Variants in SERGEF observed in about 807,000 individuals in gnomAD.
SERGEF encodes secretion-regulating guanine nucleotide exchange factor.
Under a neutral mutation model 50.0 loss-of-function variants are expected in SERGEF, and 51 were observed. That is an observed-to-expected ratio of 1.02 (90% CI 0.81 to 1.29). SERGEF has a LOEUF of 1.29. Among genes scored for constraint, SERGEF ranks in the 50% most tolerant of loss-of-function variants. The pLI is 0.00. For synonymous variants in SERGEF, 205 were observed against 212.4 expected, an observed-to-expected ratio of 0.97 and a Z score of 0.30; for missense variants, 521 against 557.0, an observed-to-expected ratio of 0.94 and a Z score of 0.65.
intron 9 of SERGEF, among the ~76,000 whole-genome samples, chr11:17,900,403 G>A (rs769839045): frequency 5.9e-5 from 9 of 152,068 alleles, no homozygotes; most frequent in Non-Finnish European, 8.8e-5. Flanking sequence ...CATCAATCTC[G>A]GCATTGCTAT....
intron 9 of SERGEF, among the ~76,000 whole-genome samples, chr11:17,945,471 C>T (rs56113802): frequency 0.023 from 3,557 of 152,288 alleles, 58 homozygotes; most frequent in Non-Finnish European, 0.035. Flanking sequence ...TTCAGTCAGT[C>T]GGTTACTTTA....
intron 9 of SERGEF, among the ~76,000 whole-genome samples, chr11:17,940,522 T>C (rs1852542049): frequency 6.6e-6 from 1 of 152,142 alleles, no homozygotes; most frequent in African/African-American, 2.4e-5. Flanking sequence ...AAGCCCTCAA[T>C]GTCAGTTTCC....
intron 7 of SERGEF, 63 bp downstream of exon 7, chr11:17,992,868 C>A (rs1011740941): frequency 6.6e-6 from 9 of 1,357,802 alleles, no homozygotes; most frequent in Non-Finnish European, 9.5e-6. Flanking sequence ...AATATCACCA[C>A]TTCAGGCAGT....
chr11:17,820,293 G>A (rs570539010), intron 10 of SERGEF, among the ~76,000 whole-genome samples: 117 of 151,164 alleles, frequency 7.7e-4, no homozygotes, highest in Admixed American at 9.2e-4. Context: ...GCCTGCTCTC[G>A]ATCCTCTAAC....
chr11:17,882,154 G>C (rs1434596439), intron 9 of SERGEF, among the ~76,000 whole-genome samples: 1 of 152,170 alleles, frequency 6.6e-6, no homozygotes, highest in East Asian at 1.9e-4. Flanking sequence ...GGTGGCTCAC[G>C]TGTGTAATCC....
At chr11:17,800,448 T>C (rs74829358) in intron 10 of SERGEF, among the ~76,000 whole-genome samples, 2,186 of 152,354 alleles carry the variant, frequency 0.014, 45 homozygotes, top group African/African-American at 0.048. Flanking sequence ...GTGTTTTGCA[T>C]ACTTATTTAT....
chr11:17,820,557 T>C (rs1485357087), intron 10 of SERGEF, among the ~76,000 whole-genome samples: 1 of 152,188 alleles, frequency 6.6e-6, no homozygotes, highest in Admixed American at 6.5e-5. Flanking sequence ...TCTCAGTGTC[T>C]TCATCTGAAA....
chr11:18,007,886 G>C, intron 2 of SERGEF, 55 bp downstream of exon 2: 1 of 1,529,668 alleles, frequency 6.5e-7, no homozygotes, highest in South Asian at 1.2e-5. Flanking sequence ...ATCATATCCA[G>C]GGGAAAACGT....
chr11:17,984,146 A>C (rs1436371574), intron 8 of SERGEF, among the ~76,000 whole-genome samples: 1 of 152,198 alleles, frequency 6.6e-6, no homozygotes, highest in Non-Finnish European at 1.5e-5. Flanking sequence ...CTGAGGTATG[A>C]AGAATGGGTT....
intron 10 of SERGEF, chr11:17,866,822 G>A (rs371543743): frequency 5.9e-5 from 9 of 152,192 alleles, no homozygotes; most frequent in East Asian, 5.8e-4. Context: ...CCTCACAATC[G>A]TGGCAGAAGA....
At chr11:18,001,584 TGA>T (rs1272660812) in intron 4 of SERGEF, among the ~76,000 whole-genome samples, 5 of 152,206 alleles carry the variant, frequency 3.3e-5, no homozygotes, top group Non-Finnish European at 7.3e-5. Context: ...TGTAACTTCA[TGA>T]GAGACCAGCT....
chr11:17,941,320 C>T (rs1305174799), intron 9 of SERGEF, among the ~76,000 whole-genome samples: 4 of 152,136 alleles, frequency 2.6e-5, no homozygotes, highest in Non-Finnish European at 5.9e-5. Flanking sequence ...CACCACCATC[C>T]ATCTCCAGAA....
chr11:17,882,351 G>A (rs1851348696), intron 9 of SERGEF, among the ~76,000 whole-genome samples: 1 of 151,348 alleles, frequency 6.6e-6, no homozygotes, highest in East Asian at 2.0e-4. Context: ...CCTGGGAGGT[G>A]GAGGTTGCAG....
intron 6 of SERGEF, among the ~76,000 whole-genome samples, chr11:17,994,368 C>T (rs140701684): frequency 0.011 from 1,535 of 144,888 alleles, 18 homozygotes; most frequent in African/African-American, 0.036. Flanking sequence ...CCCAGCTACT[C>T]GGGAGGCTGA....
At chr11:17,809,618 G>A (rs912757568) in intron 10 of SERGEF, among the ~76,000 whole-genome samples, 4 of 152,170 alleles carry the variant, frequency 2.6e-5, no homozygotes, top group Non-Finnish European at 4.4e-5. Flanking sequence ...AGTCTAAGAG[G>A]AGGAGGACAA....
chr11:17,836,892 A>G (rs550489191), intron 10 of SERGEF, among the ~76,000 whole-genome samples: 341 of 152,286 alleles, frequency 2.2e-3, no homozygotes, highest in Non-Finnish European at 3.9e-3. Flanking sequence ...TCCAGAGACA[A>G]GGGGAGTCCA....
At chr11:17,883,280 T>C (rs1851369427) in intron 9 of SERGEF, among the ~76,000 whole-genome samples, 1 of 152,196 alleles carries the variant, frequency 6.6e-6, no homozygotes, top group Non-Finnish European at 1.5e-5. Context: ...AGTAAATACA[T>C]GTTGAATGCA....
chr11:17,963,073 T>C (rs925308109), intron 8 of SERGEF, among the ~76,000 whole-genome samples: 1 of 146,168 alleles, frequency 6.8e-6, no homozygotes, highest in Non-Finnish European at 1.5e-5. Flanking sequence ...TCCCAGCTAC[T>C]GGGGAGGCTG....
At chr11:17,923,780 A>G (rs1852202020) in intron 9 of SERGEF, among the ~76,000 whole-genome samples, 1 of 152,204 alleles carries the variant, frequency 6.6e-6, no homozygotes, top group Non-Finnish European at 1.5e-5. Context: ...GTTAGTTCCC[A>G]GCACTCTGCT....
Sources: allele counts gnomAD v4.1 joint callset (sites outside exome capture counted in the v4.1 genomes callset), GRCh38; gene constraint gnomAD v4.1.1; transcripts MANE v1.5; gene names NCBI Gene and HGNC (gene_info 2026-07-23, HGNC 2026-07-21).